The following TAF6L variants were observed in gnomAD, a reference collection of about 807,000 sequenced individuals.
The protein encoded by TAF6L is TAF6-like RNA polymerase II p300/CBP-associated factor-associated factor 65 kDa subunit 6L.
TAF6L carries 34 observed loss-of-function variants against 57.3 expected under a neutral mutation model. The observed-to-expected ratio is 0.59, with a 90% CI of 0.45 to 0.79. TAF6L has a LOEUF of 0.79. TAF6L is among the 30% of genes least tolerant of loss of function. The pLI, the probability that TAF6L is intolerant of heterozygous loss-of-function variation, is 0.00. For synonymous variants in TAF6L, 417 were observed against 376.3 expected (o/e 1.11, Z -1.25); for missense variants, 782 against 853.2 (o/e 0.92, Z 1.04).
intron 6 of TAF6L, among the ~76,000 whole-genome samples, chr11:62,781,490 G>A (rs905866730): frequency 1.3e-5 from 2 of 151,662 alleles, no homozygotes; most frequent in African/African-American, 2.4e-5. Context: ...TGGCTAACAC[G>A]GTGAAACCCC....
intron 3 of TAF6L, 81 bp from the exon 4 acceptor site, chr11:62,777,897 G>C: frequency 6.6e-7 from 1 of 1,521,386 alleles, no homozygotes; most frequent in Admixed American, 1.8e-5. Context: ...TCTCTGCTCT[G>C]GTCAGTGGAG....
rs1300256399 is a variant in TAF6L, at chr11:62,782,960, C to A, written c.960+135C>A. 3.9e-6 allele frequency: 5 copies of A among 1,283,774 alleles called. No individual in the cohort carries two copies. The East Asian group carries it at 1.2e-4, about 32-fold the overall frequency. 79.5% of individuals were successfully genotyped at this position (1,283,774 alleles called of 1,614,324 possible). ...TATTGAGTTCTGGCCTTAGGCCAGG[C>A]TCAGTGATACTTGACTTTCTGAATG... is the stretch of plus-strand genomic sequence containing the variant. On this transcript the variant is annotated intron_variant, in intron 9 of 10. Coordinates refer to ENST00000294168, the MANE Select transcript of TAF6L (RefSeq NM_006473.4).
At chr11:62,772,517 T>C (rs2956989) in intron 1 of TAF6L, among the ~76,000 whole-genome samples, 14,983 of 120,172 alleles carry the variant, frequency 0.12, 1,832 homozygotes, top group African/African-American at 0.34. Flanking sequence ...AGCGAGACTG[T>C]GTCTCCAAAA....
chr11:62,777,324 C>T (rs1446890560), intron 3 of TAF6L, among the ~76,000 whole-genome samples: 1 of 151,994 alleles, frequency 6.6e-6, no homozygotes, highest in Non-Finnish European at 1.5e-5. Context: ...AAAACTCTGT[C>T]TCAAAACAAA....
At chr11:62,772,851 T>C (rs1449750298) in intron 1 of TAF6L, among the ~76,000 whole-genome samples, 1 of 145,500 alleles carries the variant, frequency 6.9e-6, no homozygotes, top group African/African-American at 2.7e-5. Context: ...TTTTAGAAGA[T>C]CTTTTTTTTT....
chr11:62,778,008 C>G lies in TAF6L; in HGVS notation c.265C>G (p.Leu89Val). ...AVCGYGSQEA[L>V]PMRPAREGEL... ...GTGTGGTTACGGATCACAGGAGGCA[C>G]TGCCCATGCGCCCCGCCAGGGAGGG... Residue 89 changes from leucine (L) to valine (V), a missense_variant, in exon 4 of 11, where the codon CTG becomes GTG. Leu to Val is a conservative substitution (Grantham distance 32). Coordinates refer to ENST00000294168, the MANE Select transcript of TAF6L (RefSeq NM_006473.4). 1.2e-6 allele frequency: 2 copies of G among 1,614,216 alleles called. No homozygotes were observed. The highest frequency in any genetic ancestry group is 2.2e-5 in the South Asian group (2 of 91,088).
chr11:62,783,732 C>T (rs1272324300), intron 9 of TAF6L, among the ~76,000 whole-genome samples: 1 of 151,594 alleles, frequency 6.6e-6, no homozygotes, highest in Non-Finnish European at 1.5e-5. Context: ...GCAGTTTCAT[C>T]ATGTTAGCCA....
intron 9 of TAF6L, 66 bp from the exon 10 acceptor site, chr11:62,786,194 G>A: frequency 6.4e-7 from 1 of 1,554,146 alleles, no homozygotes; most frequent in Admixed American, 1.7e-5. Context: ...TCTTTCATGG[G>A]AAAGGGTCCT....
rs1009715685 is a variant in TAF6L at position 62,782,270 on chromosome 11, A to G, written c.764A>G (p.Asn255Ser). ...CVLEPLAASI[N>S]PLNDHWTLRD... ...CTGGAGCCACTGGCTGCCTCCATCA[A>G]CCCCCTGAATGACCACTGGACTCTG... Residue 255 changes from asparagine (N) to serine (S), a missense_variant, in exon 8 of 11, where the codon AAC (asparagine) becomes AGC (serine). By Grantham distance (46) the Asn-to-Ser change is conservative. This residue lies in a region of TAF6L where 79 missense variants were observed against 156.0 expected (regional missense o/e 0.51). Transcript: ENST00000294168. 26 of 1,613,804 alleles carry G rather than the reference A, an allele frequency of 1.6e-5. No individual in the cohort carries two copies. The highest frequency in any genetic ancestry group is 2.2e-5 in the South Asian group (2 of 91,072).
chr11:62,773,572 C>T (rs577380795), intron 1 of TAF6L, among the ~76,000 whole-genome samples: 41 of 151,934 alleles, frequency 2.7e-4, no homozygotes, highest in Non-Finnish European at 5.4e-4. Context: ...CTCAGCCTTG[C>T]GAGTAGCTGG....
intron 3 of TAF6L, 91 bp from the exon 4 acceptor site, chr11:62,777,887 T>C: frequency 2.1e-6 from 3 of 1,462,470 alleles, no homozygotes; most frequent in African/African-American, 1.4e-5. Flanking sequence ...AAACGTGGGC[T>C]CTCTGCTCTG....
At chr11:62,776,016 G>C in intron 2 of TAF6L, 86 bp downstream of exon 2, 1 of 1,462,306 alleles carries the variant, frequency 6.8e-7, no homozygotes, top group Non-Finnish European at 9.2e-7. Context: ...TTATTCAAGT[G>C]TACACTGGGT....
At chr11:62,775,602 C>T in intron 1 of TAF6L, 169 bp from the exon 2 acceptor site, 1 of 664,668 alleles carries the variant, frequency 1.5e-6, no homozygotes, top group South Asian at 2.1e-5. Context: ...ACCCACTGGC[C>T]AGTCTGTTTC....
chr11:62,781,547 G>C (rs868467951), intron 6 of TAF6L, among the ~76,000 whole-genome samples: 1 of 151,644 alleles, frequency 6.6e-6, no homozygotes, highest in East Asian at 1.9e-4. Flanking sequence ...GGTGGCAGGC[G>C]CCTGTAGTCC....
chr11:62,784,961 ATTTC>A (rs2084259369), intron 9 of TAF6L, among the ~76,000 whole-genome samples: 1 of 152,050 alleles, frequency 6.6e-6, no homozygotes, highest in Non-Finnish European at 1.5e-5. Flanking sequence ...TGTGGGGAGT[ATTTC>A]TTTTTTATAT....
In TAF6L at chr11:62,787,185, C is replaced by T. The variant is rs774365452; in HGVS notation, c.1758C>T (p.Tyr586=). The T allele has an allele frequency of 3.5e-5, 55 of 1,585,132 alleles. No homozygotes were observed. The highest frequency in any genetic ancestry group is 4.3e-5 in the Non-Finnish European group (50 of 1,174,714). ...TCCAGACTGCCTTCCCCGCGCCGTA[C>T]GGGCCTAGCCCGGCCTCGCGCTACG... ...RLFQTAFPAP[Y]GPSPASRYVQ... is the part of the protein sequence containing the mutation. The change falls in exon 11 of 11, where the codon TAC becomes TAT. Residue 586 remains tyrosine, a synonymous_variant. Coordinates refer to ENST00000294168, the MANE Select transcript of TAF6L (RefSeq NM_006473.4).
intron 9 of TAF6L, chr11:62,785,998 G>C (rs482715): frequency 1.1e-4 from 38 of 340,428 alleles, no homozygotes; most frequent in African/African-American, 7.4e-4. Context: ...TGTCAGTAAT[G>C]AGCATTATTT....
intron 6 of TAF6L, among the ~76,000 whole-genome samples, chr11:62,779,864 C>T (rs1358565401): frequency 1.5e-5 from 2 of 137,368 alleles, no homozygotes; most frequent in Non-Finnish European, 3.1e-5. Context: ...TGAGGTTTCA[C>T]CGTGTTGGCC....
intron 3 of TAF6L, 133 bp from the exon 4 acceptor site, chr11:62,777,842 TCCA>T (rs780385766): frequency 1.9e-6 from 2 of 1,065,672 alleles, no homozygotes; most frequent in Non-Finnish European, 1.3e-6. Flanking sequence ...GTCCCAGGCT[TCCA>T]CCACTTTTCT....
Sources: allele counts gnomAD v4.1 joint callset (sites outside exome capture counted in the v4.1 genomes callset), GRCh38; gene constraint gnomAD v4.1.1; regional missense constraint gnomAD v4.1.1; transcripts MANE v1.5; gene names NCBI Gene and HGNC (gene_info 2026-07-23, HGNC 2026-07-21).